Variants in H1-8 observed in about 807,000 individuals in gnomAD.
H1-8 encodes histone H1.8.
In H1-8, 13 loss-of-function variants were observed where a neutral mutation model predicts 19.5. The ratio of observed to expected loss-of-function variants is 0.67; its 90% CI spans 0.43 to 1.06. H1-8 has a LOEUF of 1.06. Among genes scored for constraint, H1-8 ranks in the 50% least tolerant of loss-of-function variants. The pLI, the probability that H1-8 is intolerant of heterozygous loss-of-function variation, is 0.00. For missense variants in H1-8, 432 were observed against 459.8 expected (o/e 0.94, Z 0.55); for synonymous variants, 193 against 187.6 (o/e 1.03, Z -0.24).
At chr3:129,546,127 A>G (rs925813173) in intron 1 of H1-8, among the ~76,000 whole-genome samples, 1 of 115,328 alleles carries the variant, frequency 8.7e-6, no homozygotes, top group East Asian at 2.1e-4. Context: ...AATAACAATA[A>G]TAATAATAAT....
chr3:129,551,030 G>T (rs1473424565), intron 4 of H1-8, 77 bp from the exon 5 acceptor site: 6 of 1,318,902 alleles, frequency 4.5e-6, no homozygotes, highest in Non-Finnish European at 5.3e-6. Context: ...GGGCGATGTT[G>T]TGTACCCAGA....
chr3:129,550,873 C>A, intron 4 of H1-8, 64 bp downstream of exon 4: 2 of 1,427,908 alleles, frequency 1.4e-6, no homozygotes, highest in Admixed American at 1.9e-5. Flanking sequence ...GCTTGGGCAT[C>A]CCACACTCAG....
chr3:129,547,649 C>A lies in H1-8; in HGVS notation c.347C>A (p.Ser116Tyr). ...RRGLLARPLN[S>Y]KARGATGSFK... The stretch of plus-strand genomic sequence containing the variant: ...GGCCTCCTCGCCAGGCCCCTCAACT[C>A]CAAAGCCAGGGGGGCCACTGGCAGC... The change falls in exon 2 of 5, where the codon TCC (serine) becomes TAC (tyrosine). Residue 116 changes from serine (S) to tyrosine (Y), a missense_variant. Transcript: ENST00000324382. The A allele has an allele frequency of 6.5e-7, 1 of 1,545,942 alleles. No individual in the cohort carries two copies.
At chr3:129,548,450 C>T (rs903435613) in intron 2 of H1-8, 21 of 987,160 alleles carry the variant, frequency 2.1e-5, no homozygotes, top group African/African-American at 1.2e-4. Context: ...GTGTCTGATG[C>T]GGTGTGCTGG....
rs2084865399 is a variant in H1-8, at chr3:129,543,310, A to G, written c.88+4A>G. On this transcript the variant is annotated splice_donor_region_variant and intron_variant, in intron 1 of 4. Transcript: ENST00000324382. Reference sequence around the variant, plus strand: ...TCTCCTGAATCTGAAAAGCCAGGTGAGCAAGAGGAGGCAGCTCCTCCCTCA... The same window carrying G: ...TCTCCTGAATCTGAAAAGCCAGGTGGGCAAGAGGAGGCAGCTCCTCCCTCA... 1 of 1,608,998 alleles carries G rather than the reference A, an allele frequency of 6.2e-7. No individual in the cohort carries two copies. Among genetic ancestry groups the G allele is most frequent in the African/African-American group, 1.3e-5 (1 of 74,804 alleles).
chr3:129,547,704 T>C, intron 2 of H1-8, 24 bp downstream of exon 2: 6 of 1,519,898 alleles, frequency 3.9e-6, no homozygotes, highest in Non-Finnish European at 5.3e-6. Flanking sequence ...AGGGAGGACA[T>C]AGCCCAGGGT....
At chr3:129,550,907 TG>T (rs2084927895) in intron 4 of H1-8, 98 bp downstream of exon 4, 7 of 1,146,182 alleles carry the variant, frequency 6.1e-6, no homozygotes, top group Non-Finnish European at 8.9e-6. Flanking sequence ...CATCCAGGGA[TG>T]GGGCTCAATT....
chr3:129,545,004 C>G (rs2084877560), intron 1 of H1-8, among the ~76,000 whole-genome samples: 1 of 151,390 alleles, frequency 6.6e-6, no homozygotes, highest in Non-Finnish European at 1.5e-5. Context: ...TAATTTTGCT[C>G]TAGATCTAGA....
At chr3:129,551,025 A>G (rs1029728536) in intron 4 of H1-8, 82 bp from the exon 5 acceptor site, 12 of 1,255,846 alleles carry the variant, frequency 9.6e-6, no homozygotes, top group Non-Finnish European at 1.0e-5. Flanking sequence ...TAGAAGGGCG[A>G]TGTTGTGTAC....
At chr3:129,544,425 A>G (rs2084873709) in intron 1 of H1-8, among the ~76,000 whole-genome samples, 1 of 151,874 alleles carries the variant, frequency 6.6e-6, no homozygotes, top group African/African-American at 2.4e-5. Context: ...AGGCCAGAAT[A>G]TGGAGAGAAA....
At chr3:129,551,023 C>T (rs111242098) in intron 4 of H1-8, 84 bp from the exon 5 acceptor site, 100 of 1,235,032 alleles carry the variant, frequency 8.1e-5, no homozygotes, top group Non-Finnish European at 1.1e-4. Flanking sequence ...CTTAGAAGGG[C>T]GATGTTGTGT....
At chr3:129,543,425 CCACCCAGCACT>C (rs879757557) in intron 1 of H1-8, 119 bp downstream of exon 1, 270 of 663,208 alleles carry the variant, frequency 4.1e-4, no homozygotes, top group Non-Finnish European at 5.6e-4. Context: ...TACCCAGCAC[CCACCCAGCACT>C]CACCCAGCAC....
intron 3 of H1-8, among the ~76,000 whole-genome samples, chr3:129,550,160 T>C (rs746873331): frequency 2.6e-5 from 4 of 152,142 alleles, no homozygotes; most frequent in Non-Finnish European, 4.4e-5. Context: ...AGAGACAGGC[T>C]CTTGCTCTGT....
chr3:129,547,945 C>T (rs2084902953), intron 2 of H1-8, among the ~76,000 whole-genome samples: 1 of 152,238 alleles, frequency 6.6e-6, no homozygotes, highest in Admixed American at 6.5e-5. Flanking sequence ...GCTGTGCTAA[C>T]TTCTGGGTCC....
chr3:129,549,300 G>C lies in H1-8; in HGVS notation c.678G>C (p.Arg226=), dbSNP rs1195441231. The C allele has an allele frequency of 6.2e-7, 1 of 1,603,070 alleles. No individual in the cohort carries two copies. The highest frequency in any genetic ancestry group is 1.7e-5 in the Admixed American group (1 of 57,486). The change falls in exon 3 of 5, where the codon CGG becomes CGC. Residue 226 remains arginine, a synonymous_variant. Coordinates refer to ENST00000324382, the MANE Select transcript of H1-8 (RefSeq NM_153833.3). ...CCCCCAAGCCAGACAAGGCCATGCG[G>C]GCACCTTCCAGTGCTGGTGGGCTCA... is the stretch of plus-strand genomic sequence containing the variant. ...KVPPKPDKAM[R]APSSAGGLSR...
chr3:129,547,673 G>T lies in H1-8; in HGVS notation c.371G>T (p.Ser124Ile). The T allele has an allele frequency of 6.5e-7, 1 of 1,540,940 alleles. No individual in the cohort carries two copies. Residue 124 changes from serine (S) to isoleucine (I), a missense_variant, in exon 2 of 5, where the codon AGC becomes ATC. Physicochemically the swap from Ser to Ile is moderately radical, Grantham distance 142 (BLOSUM62 -2). Coordinates refer to ENST00000324382, the MANE Select transcript of H1-8 (RefSeq NM_153833.3). ...TCCAAAGCCAGGGGGGCCACTGGCA[G>T]CTTCAAAGTAAGCGCCCCTGAGGGA... is the stretch of plus-strand genomic sequence containing the variant. ...LNSKARGATG[S>I]FKLVPKHKKK...
chr3:129,543,662 C>A (rs557990323), intron 1 of H1-8, among the ~76,000 whole-genome samples: 1 of 152,304 alleles, frequency 6.6e-6, no homozygotes, highest in East Asian at 1.9e-4. Context: ...GGGACTGGGG[C>A]AGGAGCATTT....
At position 129,547,486 on chromosome 3, in the gene H1-8, G is replaced by A; in HGVS notation, c.184G>A (p.Ala62Thr). 6.4e-7 allele frequency: 1 copy of A among 1,557,500 alleles called. No individual in the cohort carries two copies. Residue 62 changes from alanine (A) to threonine (T), a missense_variant, in exon 2 of 5, where the codon GCG (alanine) becomes ACG (threonine). Ala to Thr is a moderately conservative substitution (Grantham distance 58). Coordinates refer to ENST00000324382, the MANE Select transcript of H1-8 (RefSeq NM_153833.3). The stretch of plus-strand genomic sequence containing the variant: ...CCCGGTGCTACGCATGGTGCTGGAG[G>A]CGCTGCAGGCTGGGGAGCAGCGCCG... ...HPPVLRMVLE[A>T]LQAGEQRRGT... is the part of the protein sequence containing the mutation.
chr3:129,547,775 C>G (rs995066660), intron 2 of H1-8, 95 bp downstream of exon 2: 10 of 1,156,664 alleles, frequency 8.6e-6, no homozygotes, highest in African/African-American at 1.6e-5. Flanking sequence ...CTTTCCCCTC[C>G]GGTCCCCTGT....
Sources: gnomAD v4.1 joint callset for allele counts (sites outside exome capture counted in the v4.1 genomes callset) on GRCh38, gnomAD v4.1.1 for gene constraint, MANE v1.5 for transcripts, NCBI Gene and HGNC (gene_info 2026-07-23, HGNC 2026-07-21) for gene names.